The following ACTN2 variants were observed in gnomAD, a reference collection of about 807,000 sequenced individuals.
ACTN2 encodes the protein actinin alpha 2.
In ACTN2, 39 loss-of-function variants were observed where a neutral mutation model predicts 113.8. That is an observed-to-expected ratio of 0.34 (90% CI 0.27 to 0.45). The LOEUF (loss-of-function observed/expected upper bound fraction) is 0.45. Among genes scored for constraint, ACTN2 ranks in the 20% least tolerant of loss-of-function variants. ACTN2 has a pLI of 1.00. For missense variants in ACTN2, 992 were observed against 1,177.9 expected, an observed-to-expected ratio of 0.84 and a Z score of 2.31; for synonymous variants, 429 against 444.1, an observed-to-expected ratio of 0.97 and a Z score of 0.43.
intron 6 of ACTN2, among the ~76,000 whole-genome samples, chr1:236,728,212 C>G (rs371816091): frequency 6.9e-6 from 1 of 145,644 alleles, no homozygotes; most frequent in Non-Finnish European, 1.5e-5. Flanking sequence ...GGTGTGATCT[C>G]GGCTCACAGC....
chr1:236,753,400 C>G (rs953731439), intron 15 of ACTN2, among the ~76,000 whole-genome samples: 2 of 152,132 alleles, frequency 1.3e-5, no homozygotes, highest in Non-Finnish European at 1.5e-5. Context: ...ATATTTGTTG[C>G]AAGAGGCAGG....
chr1:236,691,455 C>T (rs970016900), intron 1 of ACTN2, among the ~76,000 whole-genome samples: 5 of 151,550 alleles, frequency 3.3e-5, no homozygotes, highest in African/African-American at 4.8e-5. Context: ...CTGGCCTGGG[C>T]AACACAGCAA....
chr1:236,696,886 G>A (rs1326061813), intron 1 of ACTN2, among the ~76,000 whole-genome samples: 3 of 152,038 alleles, frequency 2.0e-5, no homozygotes, highest in Non-Finnish European at 4.4e-5. Flanking sequence ...GGATGGTCTC[G>A]ATCTCGACCT....
chr1:236,719,527 C>T (rs1658321227), intron 3 of ACTN2, among the ~76,000 whole-genome samples: 1 of 152,178 alleles, frequency 6.6e-6, no homozygotes. Flanking sequence ...CACAGTGGCT[C>T]ATGCTCATCC....
At chr1:236,733,621 C>A (rs61831766) in intron 7 of ACTN2, among the ~76,000 whole-genome samples, 9,856 of 152,220 alleles carry the variant, frequency 0.065, 373 homozygotes, top group Admixed American at 0.13. Context: ...GGCCACCTAG[C>A]GTGTAGAGCG....
Position 236,725,923 on chromosome 1 carries a change from G to A in ACTN2, c.449-10G>A. 2 of 1,613,960 alleles carry A rather than the reference G, an allele frequency of 1.2e-6. No individual in the cohort carries two copies. Among genetic ancestry groups the A allele is most frequent in the South Asian group, 1.1e-5 (1 of 91,080 alleles). ...TCCCTGGGGCCACTTTTTCTTGGCT[G>A]TCATTACAGAAACATCTGCCAAAGA... On this transcript the variant is annotated splice_polypyrimidine_tract_variant and intron_variant, in intron 4 of 20. Coordinates refer to ENST00000366578, the MANE Select transcript of ACTN2 (RefSeq NM_001103.4).
chr1:236,753,850 CT>C, intron 15 of ACTN2, 96 bp from the exon 16 acceptor site: 2 of 1,299,416 alleles, frequency 1.5e-6, no homozygotes, highest in Non-Finnish European at 1.1e-6. Flanking sequence ...TCCTTCTCCA[CT>C]CCCACCCCCA....
chr1:236,763,017 T>A lies in ACTN2; in HGVS notation c.*398T>A, dbSNP rs1328050346. 3.2e-6 allele frequency: 1 copy of A among 315,154 alleles called. No individual in the cohort carries two copies. The highest frequency in any genetic ancestry group is 6.1e-6 in the Non-Finnish European group (1 of 162,636). 19.5% of individuals were successfully genotyped at this position (315,154 alleles called of 1,614,324 possible). A position where few individuals can be genotyped will look rare whatever the true frequency, so the allele number is the denominator to read the frequency against. On this transcript the variant is annotated 3_prime_UTR_variant, in exon 21 of 21. Coordinates refer to ENST00000366578, the MANE Select transcript of ACTN2 (RefSeq NM_001103.4). ...AAACCACAAATTGGTAAATAAAGGT[T>A]TGCTATTTGTAAAAAATTTCATTTA...
chr1:236,695,758 T>G (rs1407515340), intron 1 of ACTN2, among the ~76,000 whole-genome samples: 1 of 152,188 alleles, frequency 6.6e-6, no homozygotes, highest in Non-Finnish European at 1.5e-5. Flanking sequence ...TCTGTGGTCC[T>G]GGGAAAGAAC....
chr1:236,703,036 G>A (rs1168818527), intron 1 of ACTN2, among the ~76,000 whole-genome samples: 2 of 152,134 alleles, frequency 1.3e-5, no homozygotes, highest in Non-Finnish European at 1.5e-5. Context: ...AATCATCAGT[G>A]TGCTTTTCTT....
chr1:236,715,155 CT>C (rs5781921), intron 1 of ACTN2, among the ~76,000 whole-genome samples: 36,557 of 142,974 alleles, frequency 0.26, 4,823 homozygotes, highest in African/African-American at 0.39. Flanking sequence ...TTTCTTTTTC[CT>C]TTTTTTTTTT....
chr1:236,749,977 T>C (rs1375959071), intron 14 of ACTN2, among the ~76,000 whole-genome samples: 1 of 152,208 alleles, frequency 6.6e-6, no homozygotes, highest in Non-Finnish European at 1.5e-5. Context: ...ACAGAGTTTT[T>C]TGCCAGATTG....
chr1:236,686,608 G>T lies in ACTN2; in HGVS notation c.-66G>T. The T allele has an allele frequency of 6.7e-7, 1 of 1,490,992 alleles. No individual in the cohort carries two copies. Among genetic ancestry groups the T allele is most frequent in the Non-Finnish European group, 8.9e-7 (1 of 1,118,390 alleles). 92.4% of individuals were successfully genotyped at this position (1,490,992 alleles called of 1,614,324 possible). ...CGCCGCCCGCCGCCTCCGTGGGTCCGTTTGCCAGTCAGCCCGTGCGTCCGA... is the reference window on the plus strand; with the variant it reads ...CGCCGCCCGCCGCCTCCGTGGGTCCTTTTGCCAGTCAGCCCGTGCGTCCGA... On this transcript the variant is annotated 5_prime_UTR_variant, in exon 1 of 21. Coordinates refer to ENST00000366578, the MANE Select transcript of ACTN2 (RefSeq NM_001103.4).
chr1:236,721,172 C>T (rs1020246879), intron 4 of ACTN2, among the ~76,000 whole-genome samples: 8 of 151,412 alleles, frequency 5.3e-5, no homozygotes, highest in African/African-American at 9.7e-5. Context: ...GGACTACAGG[C>T]GCCCACCACC....
chr1:236,717,963 G>T lies in ACTN2; in HGVS notation c.232G>T (p.Val78Phe), dbSNP rs748154044. 6.2e-7 allele frequency: 1 copy of T among 1,612,742 alleles called. No individual in the cohort carries two copies. Among genetic ancestry groups the T allele is most frequent in the African/African-American group, 1.3e-5 (1 of 74,876 alleles). ...NGLKLMLLLE[V>F]ISGERLPKPD... ...CCTTAAGCTCATGCTGCTTTTGGAA[G>T]TCATCTCAGGTTGGTGTTATATATC... The change falls in exon 2 of 21, where the codon GTC becomes TTC. Residue 78 changes from valine (V) to phenylalanine (F), a missense_variant. By Grantham distance (50) the Val-to-Phe change is conservative. Around this residue, in one of 3 missense-constraint regions of ACTN2, gnomAD observed 220 missense variants for 337.5 expected, o/e 0.65. Transcript: ENST00000366578.
intron 13 of ACTN2, chr1:236,748,032 C>T: frequency 2.3e-6 from 1 of 443,580 alleles, no homozygotes; most frequent in Non-Finnish European, 4.2e-6. Flanking sequence ...CGGCATAAAT[C>T]TACTTTGTAT....
At chr1:236,746,038 C>T (rs1396412422) in intron 12 of ACTN2, among the ~76,000 whole-genome samples, 2 of 151,398 alleles carry the variant, frequency 1.3e-5, no homozygotes. Flanking sequence ...TGGTGGCGGG[C>T]ACCTGTAGTC....
intron 4 of ACTN2, among the ~76,000 whole-genome samples, chr1:236,720,607 CTCTTTTTCTTTTTTCT>C (rs1029150314): frequency 2.0e-5 from 3 of 152,164 alleles, no homozygotes; most frequent in South Asian, 2.1e-4. Context: ...CTCTCTCCCT[CTCTTTTTCTTTTTTCT>C]TCTTTTTCTT....
intron 10 of ACTN2, among the ~76,000 whole-genome samples, chr1:236,742,222 C>T (rs1311671278): frequency 1.3e-5 from 2 of 152,066 alleles, no homozygotes; most frequent in Admixed American, 6.6e-5. Context: ...TATCGCTTTC[C>T]GAAATGAACT....
Sources: allele counts gnomAD v4.1 joint callset (sites outside exome capture counted in the v4.1 genomes callset), GRCh38; gene constraint gnomAD v4.1.1; regional missense constraint gnomAD v4.1.1; transcripts MANE v1.5; gene names NCBI Gene and HGNC (gene_info 2026-07-23, HGNC 2026-07-21).